WDR7: variants seen among roughly 807,000 people sequenced by gnomAD.
The protein encoded by WDR7 is WD repeat-containing protein 7.
WDR7 carries 46 observed loss-of-function variants against 169.4 expected under a neutral mutation model. The observed-to-expected ratio is 0.27, with a 90% confidence interval of 0.21 to 0.35. The LOEUF is 0.35. Among genes scored for constraint, WDR7 ranks in the 10% least tolerant of loss-of-function variants. WDR7 has a pLI of 1.00. For missense variants in WDR7, 1,534 were observed against 1,859.3 expected, an observed-to-expected ratio of 0.83 and a Z score of 3.22; for synonymous variants, 612 against 666.8, an observed-to-expected ratio of 0.92 and a Z score of 1.27.
chr18:57,002,025 G>A (rs2047988997), intron 26 of WDR7, among the ~76,000 whole-genome samples: 1 of 152,034 alleles, frequency 6.6e-6, no homozygotes, highest in African/African-American at 2.4e-5. Flanking sequence ...TACTTTTGGA[G>A]TTTATTTCTA....
intron 26 of WDR7, among the ~76,000 whole-genome samples, chr18:56,989,241 A>G (rs2047775107): frequency 6.6e-6 from 1 of 152,206 alleles, no homozygotes; most frequent in African/African-American, 2.4e-5. Flanking sequence ...CATTAGCCAT[A>G]TGTGGCTAAT....
At chr18:56,772,054 C>G (rs1457428064) in intron 16 of WDR7, among the ~76,000 whole-genome samples, 1 of 97,662 alleles carries the variant, frequency 1.0e-5, no homozygotes, top group East Asian at 2.5e-4. Context: ...GAGCAAGACC[C>G]TGTCTCAAAA....
At chr18:56,833,232 C>T (rs1291180462) in intron 20 of WDR7, among the ~76,000 whole-genome samples, 2 of 151,654 alleles carry the variant, frequency 1.3e-5, no homozygotes, top group Non-Finnish European at 2.9e-5. Flanking sequence ...CGGAAGAAGG[C>T]ATGTCAGAGA....
chr18:56,680,312 T>C (rs2025328492), intron 3 of WDR7, among the ~76,000 whole-genome samples: 3 of 152,174 alleles, frequency 2.0e-5, no homozygotes, highest in Non-Finnish European at 2.9e-5. Flanking sequence ...GAGCTGTGAT[T>C]GTGCCACTGC....
At chr18:56,847,482 C>A (rs1318402766) in intron 20 of WDR7, among the ~76,000 whole-genome samples, 1 of 152,178 alleles carries the variant, frequency 6.6e-6, no homozygotes, top group East Asian at 1.9e-4. Context: ...GGGAGGAATA[C>A]AAGCAGACTG....
intron 11 of WDR7, 111 bp downstream of exon 11, chr18:56,695,309 T>G: frequency 7.2e-7 from 1 of 1,391,322 alleles, no homozygotes; most frequent in Non-Finnish European, 9.7e-7. Flanking sequence ...GTGTAGTTAG[T>G]TGTTGGGGTG....
At chr18:57,012,451 G>GGGTT (rs146747355) in intron 26 of WDR7, among the ~76,000 whole-genome samples, 38,700 of 151,948 alleles carry the variant, frequency 0.25, 5,349 homozygotes, top group Non-Finnish European at 0.32. Context: ...GGGAGTCTAG[G>GGGTT]GGTTCTGCGA....
chr18:56,914,625 A>G (rs1197071180), intron 21 of WDR7, among the ~76,000 whole-genome samples: 2 of 152,264 alleles, frequency 1.3e-5, no homozygotes, highest in Admixed American at 6.5e-5. Context: ...GGACTATTCA[A>G]TTAAAGATTC....
At chr18:56,696,049 C>T (rs566126122) in intron 11 of WDR7, among the ~76,000 whole-genome samples, 193 bp from the exon 12 acceptor site, 1 of 152,168 alleles carries the variant, frequency 6.6e-6, no homozygotes, top group East Asian at 1.9e-4. Flanking sequence ...CTGGATTACC[C>T]CCATTTCAAG....
intron 11 of WDR7, 136 bp from the exon 12 acceptor site, chr18:56,696,106 T>G: frequency 2.8e-6 from 2 of 712,726 alleles, no homozygotes; most frequent in Non-Finnish European, 4.6e-6. Context: ...TAGGCAGAGT[T>G]GTGTTAGAAG....
chr18:56,700,099 A>G (rs2025788921), intron 12 of WDR7, among the ~76,000 whole-genome samples: 1 of 152,034 alleles, frequency 6.6e-6, no homozygotes, highest in Non-Finnish European at 1.5e-5. Flanking sequence ...GGGACTTTTA[A>G]TTACTTAAAA....
intron 21 of WDR7, among the ~76,000 whole-genome samples, chr18:56,896,256 C>T (rs563266930): frequency 1.4e-4 from 21 of 151,842 alleles, no homozygotes; most frequent in African/African-American, 4.3e-4. Flanking sequence ...TTTTCATAAA[C>T]TTATTGATAG....
chr18:56,835,272 T>C (rs1351893241), intron 20 of WDR7, among the ~76,000 whole-genome samples: 1 of 152,212 alleles, frequency 6.6e-6, no homozygotes, highest in East Asian at 1.9e-4. Context: ...CTTCATCTTG[T>C]TCATAATTCA....
chr18:56,712,741 T>C (rs2026112655), intron 12 of WDR7, among the ~76,000 whole-genome samples: 1 of 152,214 alleles, frequency 6.6e-6, no homozygotes, highest in Non-Finnish European at 1.5e-5. Context: ...AATACAAATT[T>C]TTAAGGGGAA....
chr18:56,701,641 A>T (rs1370756256), intron 12 of WDR7, among the ~76,000 whole-genome samples: 3 of 152,150 alleles, frequency 2.0e-5, no homozygotes, highest in Non-Finnish European at 4.4e-5. Context: ...GATATAGGAG[A>T]TGTATTAGAA....
At chr18:56,892,721 C>T (rs544471158) in intron 21 of WDR7, among the ~76,000 whole-genome samples, 9 of 152,150 alleles carry the variant, frequency 5.9e-5, no homozygotes, top group African/African-American at 2.2e-4. Flanking sequence ...CCCTACTGTA[C>T]ATCATTTGAA....
intron 13 of WDR7, among the ~76,000 whole-genome samples, chr18:56,726,015 T>G (rs1407852990): frequency 6.6e-6 from 1 of 152,190 alleles, no homozygotes; most frequent in Non-Finnish European, 1.5e-5. Flanking sequence ...TTGTTCTGTA[T>G]GTCTGTTTTG....
intron 25 of WDR7, among the ~76,000 whole-genome samples, chr18:56,947,936 T>C (rs1015871564): frequency 4.6e-5 from 7 of 152,216 alleles, no homozygotes; most frequent in African/African-American, 1.7e-4. Context: ...GAAATGAAGA[T>C]AAAATACTTC....
chr18:56,905,933 A>T (rs1258599716), intron 21 of WDR7, among the ~76,000 whole-genome samples: 1 of 152,212 alleles, frequency 6.6e-6, no homozygotes, highest in African/African-American at 2.4e-5. Flanking sequence ...AGTACATTTT[A>T]TACACATGTA....
Sources: allele counts gnomAD v4.1 joint callset (sites outside exome capture counted in the v4.1 genomes callset), GRCh38; gene constraint gnomAD v4.1.1; transcripts MANE v1.5; gene names NCBI Gene and HGNC (gene_info 2026-07-23, HGNC 2026-07-21).